Variants in BRPF3 observed in about 807,000 individuals in gnomAD.
BRPF3 encodes the protein bromodomain and PHD finger-containing protein 3.
BRPF3 carries 18 observed loss-of-function variants against 102.0 expected under a neutral mutation model. That is an observed-to-expected ratio of 0.18 (90% CI 0.12 to 0.26). BRPF3 has a LOEUF of 0.26. Ranked by LOEUF, BRPF3 falls within the 10% of genes least tolerant of loss-of-function variation. BRPF3 has a pLI of 1.00. For missense variants in BRPF3, 1,147 were observed against 1,567.8 expected (o/e 0.73, Z 4.53); for synonymous variants, 570 against 614.2 (o/e 0.93, Z 1.06).
intron 3 of BRPF3, 149 bp from the exon 4 acceptor site, chr6:36,207,164 A>G: frequency 2.2e-6 from 2 of 900,924 alleles, no homozygotes; most frequent in South Asian, 1.8e-5. Context: ...GGAGGAAGGC[A>G]TGGGGTAGAG....
intron 2 of BRPF3, among the ~76,000 whole-genome samples, chr6:36,202,747 T>C (rs975691442): frequency 6.6e-6 from 1 of 152,196 alleles, no homozygotes; most frequent in Non-Finnish European, 1.5e-5. Context: ...ATACATGCCA[T>C]GTCCTGTTCT....
In BRPF3 at chr6:36,200,890, C is replaced by T. The variant is rs909824197; in HGVS notation, c.568C>T (p.Arg190Trp). ...AGATACCTTTGAGCTGCTGGTAGAC[C>T]GGCTTGAGAAAGAGTCATACTTGGA... ...SADTFELLVD[R>W]LEKESYLESR... is the part of the protein sequence containing the mutation. Residue 190 changes from arginine to tryptophan, a missense_variant, in exon 2 of 13, where the codon CGG becomes TGG. Transcript: ENST00000357641. The surrounding 1 kb of genome is among the most constrained non-coding windows in gnomAD (Gnocchi z 5.3). The T allele has an allele frequency of 4.3e-6, 7 of 1,614,020 alleles. No homozygotes were observed. Among genetic ancestry groups the T allele is most frequent in the Non-Finnish European group, 5.9e-6 (7 of 1,180,020 alleles).
At position 36,211,211 on chromosome 6, in the gene BRPF3, G is replaced by A. The variant is rs202209505; in HGVS notation, c.2180-47G>A. Reference sequence around the variant, plus strand: ...ATTCGGCCCCTTTCTCTTGCCCTGTGCTGGGCAGGTCCTTCAGCCCCTTCT... The same window carrying A: ...ATTCGGCCCCTTTCTCTTGCCCTGTACTGGGCAGGTCCTTCAGCCCCTTCT... On this transcript the variant is annotated intron_variant, in intron 6 of 12. Transcript: ENST00000357641. 1.3e-5 allele frequency: 20 copies of A among 1,578,220 alleles called. No homozygotes were observed. In the East Asian group the frequency reaches 4.0e-4, roughly 32 times the overall value.
intron 9 of BRPF3, among the ~76,000 whole-genome samples, chr6:36,221,277 TCTA>T (rs1768529492): frequency 6.8e-6 from 1 of 147,168 alleles, no homozygotes; most frequent in African/African-American, 2.5e-5. Flanking sequence ...CAAAAATTGG[TCTA>T]CTTTTTTTTT....
chr6:36,205,794 A>G (rs1767884519), intron 3 of BRPF3, among the ~76,000 whole-genome samples: 1 of 152,236 alleles, frequency 6.6e-6, no homozygotes, highest in Admixed American at 6.5e-5. Flanking sequence ...CATAATTGAC[A>G]ATAACTGTAA....
Position 36,209,846 on chromosome 6 carries a change from G to A in BRPF3, c.1797G>A (p.Arg599=), listed in dbSNP as rs777606602. The A allele has an allele frequency of 1.2e-6, 2 of 1,614,192 alleles. No individual in the cohort carries two copies. The highest frequency in any genetic ancestry group is 1.7e-5 in the Admixed American group (1 of 60,030). ...LELMPFNVLL[R]TTLDLLQEKD... ...TGATGCCATTCAATGTTCTGTTGAG[G>A]ACAACACTGGACCTGCTGCAGGAGA... The change falls in exon 5 of 13, where the codon AGG becomes AGA. Residue 599 remains arginine, a synonymous_variant. Coordinates refer to ENST00000357641, the MANE Select transcript of BRPF3 (RefSeq NM_015695.3).
chr6:36,218,344 T>C (rs1355654619), intron 9 of BRPF3, among the ~76,000 whole-genome samples: 1 of 152,208 alleles, frequency 6.6e-6, no homozygotes, highest in Non-Finnish European at 1.5e-5. Context: ...TACACACATT[T>C]AGACAACCCA....
chr6:36,215,583 T>G (rs1199769569), intron 8 of BRPF3, among the ~76,000 whole-genome samples: 1 of 152,134 alleles, frequency 6.6e-6, no homozygotes, highest in Non-Finnish European at 1.5e-5. Flanking sequence ...ATTTGTCAGG[T>G]GAGAGGTAGC....
At chr6:36,225,783 A>G (rs1412539418) in intron 11 of BRPF3, among the ~76,000 whole-genome samples, 2 of 152,192 alleles carry the variant, frequency 1.3e-5, no homozygotes, top group Non-Finnish European at 2.9e-5. Flanking sequence ...CTAATAAATG[A>G]CAGGGTTGGA....
In BRPF3 at chr6:36,201,667, A is replaced by G. The variant is rs140145706; in HGVS notation, c.1345A>G (p.Lys449Glu). ...CCTCAAGGGAGTGCCCAAGAAAAGC[A>G]AGATGAGTTTGAAGCAGAAGATCAA... ...GSLKGVPKKS[K>E]MSLKQKIKKE... The change falls in exon 2 of 13, where the codon AAG (lysine) becomes GAG (glutamate). Residue 449 changes from lysine (K) to glutamate (E), a missense_variant. This residue lies in a region of BRPF3 where 157 missense variants were observed against 163.6 expected (regional missense o/e 0.96). Transcript: ENST00000357641. The surrounding 1 kb of genome is among the most constrained non-coding windows in gnomAD (Gnocchi z 5.1). 6.2e-7 allele frequency: 1 copy of G among 1,614,246 alleles called. No individual in the cohort carries two copies. The highest frequency in any genetic ancestry group is 1.3e-5 in the African/African-American group (1 of 75,066).
chr6:36,201,400 A>G lies in BRPF3; in HGVS notation c.1078A>G (p.Met360Val). 6.2e-7 allele frequency: 1 copy of G among 1,614,194 alleles called. No homozygotes were observed. ...ATGTGCACAGCGGGCTGGGCTCTTC[A>G]TGAAGATTGAGCCCATGCGCGAAAC... ...VTCAQRAGLFMKIEPMRETSL... is the reference protein window; with the variant it reads ...VTCAQRAGLFVKIEPMRETSL... The change falls in exon 2 of 13, where the codon ATG becomes GTG. Residue 360 changes from methionine (M) to valine (V), a missense_variant. This residue lies in a region of BRPF3 where 44 missense variants were observed against 101.4 expected (regional missense o/e 0.43). Transcript: ENST00000357641. The surrounding 1 kb of genome is among the most constrained non-coding windows in gnomAD (Gnocchi z 5.1).
intron 10 of BRPF3, among the ~76,000 whole-genome samples, 168 bp downstream of exon 10, chr6:36,222,433 CTT>C (rs11353386): frequency 0.028 from 4,119 of 147,098 alleles, 173 homozygotes; most frequent in African/African-American, 0.088. Flanking sequence ...CAATCATACT[CTT>C]TTTTTTTTTT....
intron 4 of BRPF3, among the ~76,000 whole-genome samples, chr6:36,207,832 T>G (rs1767959421): frequency 6.6e-6 from 1 of 152,230 alleles, no homozygotes; most frequent in African/African-American, 2.4e-5. Context: ...ACTTGACTCT[T>G]AAACACTTAT....
rs936262595 is a variant in BRPF3, at chr6:36,201,579, G to A, written c.1257G>A (p.Glu419=). 4 of 1,613,922 alleles carry A rather than the reference G, an allele frequency of 2.5e-6. No homozygotes were observed. In the African/African-American group the frequency reaches 5.3e-5, roughly 22 times the overall value. ...AAGGGCTGAAGGAGGGTGATGGAGA[G>A]GAGGAAGAAGAGGAAGAGGTGGAGG... The part of the protein sequence containing the change: ...DEEGLKEGDG[E]EEEEEEVEEE... Residue 419 remains glutamate, a synonymous_variant, in exon 2 of 13, where the codon GAG becomes GAA. Transcript: ENST00000357641. This position sits in a 1 kb window ranked among gnomAD's most constrained non-coding sequence, Gnocchi z 5.1.
chr6:36,217,372 T>TA (rs1768366139), intron 8 of BRPF3, among the ~76,000 whole-genome samples: 1 of 152,192 alleles, frequency 6.6e-6, no homozygotes, highest in African/African-American at 2.4e-5. Flanking sequence ...CCCTGTGAGA[T>TA]ATCTCAGGGT....
chr6:36,213,873 C>T lies in BRPF3; in HGVS notation c.2483-7C>T, dbSNP rs1475839315. On this transcript the variant is annotated splice_polypyrimidine_tract_variant and splice_region_variant and intron_variant, in intron 7 of 12. Transcript: ENST00000357641. ...ATGTTCAAGCAGATTCTCTTTTTTT[C>T]TAATAGATGACTCCAAACTGCCTCC... 4 of 1,572,106 alleles carry T rather than the reference C, an allele frequency of 2.5e-6. No homozygotes were observed. In the Admixed American group the frequency reaches 5.9e-5, roughly 23 times the overall value.
In BRPF3 at chr6:36,201,603, GGAA is replaced by G. The variant is rs1178474673; in HGVS notation, c.1287_1289del (p.Glu430del). On this transcript the variant is annotated inframe_deletion, in exon 2 of 13. Coordinates refer to ENST00000357641, the MANE Select transcript of BRPF3 (RefSeq NM_015695.3). The surrounding 1 kb of genome is among the most constrained non-coding windows in gnomAD (Gnocchi z 5.1). ...AGGAGGAAGAAGAGGAAGAGGTGGAGGAAGAAGAGCAGGAAGCTCAAGGCGGGG... is the reference window on the plus strand; with the variant it reads ...AGGAGGAAGAAGAGGAAGAGGTGGAGGAAGAGCAGGAAGCTCAAGGCGGGG... The G allele has an allele frequency of 2.5e-6, 4 of 1,614,142 alleles. No individual in the cohort carries two copies. Among genetic ancestry groups the G allele is most frequent in the Non-Finnish European group, 3.4e-6 (4 of 1,179,984 alleles).
chr6:36,201,039 A>G lies in BRPF3; in HGVS notation c.717A>G (p.Val239=). 1 of 1,614,140 alleles carries G rather than the reference A, an allele frequency of 6.2e-7. No individual in the cohort carries two copies. The part of the protein sequence containing the change: ...ILFCDICNLA[V]HQECYGVPYI... ...TCTGTGACATCTGCAACCTGGCTGT[A>G]CACCAGGAGTGCTATGGCGTCCCAT... is the stretch of plus-strand genomic sequence containing the variant. Residue 239 remains valine (V), a synonymous_variant, in exon 2 of 13, where the codon GTA becomes GTG. Transcript: ENST00000357641. The surrounding 1 kb of genome is among the most constrained non-coding windows in gnomAD (Gnocchi z 5.1).
chr6:36,225,330 C>T lies in BRPF3; in HGVS notation c.3245C>T (p.Ala1082Val). 2 of 1,610,752 alleles carry T rather than the reference C, an allele frequency of 1.2e-6. No individual in the cohort carries two copies. The highest frequency in any genetic ancestry group is 1.1e-5 in the South Asian group (1 of 91,088). Residue 1082 changes from alanine to valine, a missense_variant, in exon 11 of 13, where the codon GCC becomes GTC. By Grantham distance (64) the Ala-to-Val change is moderately conservative. This residue lies in a region of BRPF3 where 85 missense variants were observed against 172.9 expected (regional missense o/e 0.49). Transcript: ENST00000357641. The part of the protein sequence containing the change: ...GDLEPLELVW[A>V]KCRGYPSYPA... ...CTGGAGCCCTTGGAGCTGGTGTGGG[C>T]CAAGTGCCGAGGCTACCCCTCCTAC...
Sources: gnomAD v4.1 joint callset for allele counts (sites outside exome capture counted in the v4.1 genomes callset) on GRCh38, gnomAD v4.1.1 for gene constraint, gnomAD v4.1.1 regional missense constraint, Gnocchi (gnomAD v3.1) non-coding constraint, MANE v1.5 for transcripts, NCBI Gene and HGNC (gene_info 2026-07-23, HGNC 2026-07-21) for gene names.